The following IMPACT variants were observed in gnomAD, a reference collection of about 807,000 sequenced individuals.
The protein encoded by IMPACT is protein IMPACT.
In IMPACT, 35 loss-of-function variants were observed where a neutral mutation model predicts 47.5. The observed-to-expected ratio is 0.74, with a 90% CI of 0.56 to 0.98. The LOEUF is 0.98. Among genes scored for constraint, IMPACT ranks in the 50% least tolerant of loss-of-function variants. The pLI, the probability that IMPACT is intolerant of heterozygous loss-of-function variation, is 0.00. For synonymous variants in IMPACT, 118 were observed against 125.6 expected (o/e 0.94, Z 0.40); for missense variants, 373 against 394.8 (o/e 0.94, Z 0.47).
intron 9 of IMPACT, among the ~76,000 whole-genome samples, chr18:24,448,702 G>A (rs1485912693): frequency 6.6e-6 from 1 of 151,854 alleles, no homozygotes; most frequent in East Asian, 1.9e-4. Flanking sequence ...TCCTTTTTAA[G>A]AATATCCTGT....
At chr18:24,443,346 TC>T (rs1909165965) in intron 7 of IMPACT, among the ~76,000 whole-genome samples, 194 bp downstream of exon 7, 1 of 152,190 alleles carries the variant, frequency 6.6e-6, no homozygotes, top group Admixed American at 6.5e-5. Context: ...CTGCTTTCTT[TC>T]TTTTTTTTTG....
intron 10 of IMPACT, among the ~76,000 whole-genome samples, chr18:24,450,323 C>T (rs1265235853): frequency 2.0e-5 from 3 of 152,196 alleles, no homozygotes; most frequent in African/African-American, 7.2e-5. Context: ...CTTTAAACAT[C>T]TAGAAAATTC....
chr18:24,436,168 G>A (rs984983983), intron 4 of IMPACT, among the ~76,000 whole-genome samples: 1 of 152,108 alleles, frequency 6.6e-6, no homozygotes, highest in Non-Finnish European at 1.5e-5. Context: ...CTTTGTGTCT[G>A]TTTTCTCATC....
At chr18:24,432,459 A>G (rs1908781808) in intron 4 of IMPACT, among the ~76,000 whole-genome samples, 1 of 152,264 alleles carries the variant, frequency 6.6e-6, no homozygotes, top group East Asian at 1.9e-4. Flanking sequence ...TTTTCCTCCC[A>G]AAATACTTAA....
rs1909340812 is a variant in IMPACT at position 24,449,955 on chromosome 18, T to A, written c.894+2T>A. The A allele has an allele frequency of 6.2e-7, 1 of 1,613,640 alleles. No individual in the cohort carries two copies. Among genetic ancestry groups the A allele is most frequent in the African/African-American group, 1.3e-5 (1 of 74,908 alleles). ...GAAAAGAACTACACAAATTCACCTG[T>A]AAGTGGCTCTTCGTACTACATCTAG... On this transcript the variant is annotated splice_donor_variant, in intron 10 of 10. Transcript: ENST00000284202. LOFTEE classifies it high-confidence loss of function.
rs1908993079 is a variant in IMPACT at position 24,438,017 on chromosome 18, A to G, written c.344A>G (p.Gln115Arg). The G allele has an allele frequency of 1.3e-6, 2 of 1,562,816 alleles. No homozygotes were observed. Among genetic ancestry groups the G allele is most frequent in the Non-Finnish European group, 1.8e-6 (2 of 1,140,988 alleles). The change falls in exon 5 of 11, where the codon CAA becomes CGA. Residue 115 changes from glutamine (Q) to arginine (R), a missense_variant. Physicochemically the swap from Gln to Arg is conservative, Grantham distance 43. Coordinates refer to ENST00000284202, the MANE Select transcript of IMPACT (RefSeq NM_018439.4). ...WVEKIRDVLI[Q>R]KSQMTEPGPD... Reference sequence around the variant, plus strand: ...GAGAAAATAAGAGATGTTCTTATACAAAAATCTCAGATGACAGAACCAGGT... The same window carrying G: ...GAGAAAATAAGAGATGTTCTTATACGAAAATCTCAGATGACAGAACCAGGT...
intron 2 of IMPACT, 65 bp downstream of exon 2, chr18:24,428,112 GT>G: frequency 7.4e-7 from 1 of 1,342,494 alleles, no homozygotes; most frequent in Non-Finnish European, 1.0e-6. Flanking sequence ...GTTGACTTCT[GT>G]ATTCTAATGA....
intron 5 of IMPACT, 139 bp from the exon 6 acceptor site, chr18:24,440,357 C>A: frequency 1.3e-6 from 1 of 769,066 alleles, no homozygotes; most frequent in Non-Finnish European, 2.0e-6. Context: ...ACTCAGGAAT[C>A]AACCAGTTCT....
rs1400133968 is a variant in IMPACT, at chr18:24,452,592, G to A, written c.*1745G>A. 1 of 152,018 alleles carries A rather than the reference G, an allele frequency of 6.6e-6. No homozygotes were observed. Among genetic ancestry groups the A allele is most frequent in the African/African-American group, 2.4e-5 (1 of 41,396 alleles). 9.4% of individuals were successfully genotyped at this position (152,018 alleles called of 1,614,324 possible). Reference sequence around the variant, plus strand: ...TAGTATTCTTTACCTAAAGTCAATTGGCTGGTAAGAGGGAGAGATGCAAAA... The same window carrying A: ...TAGTATTCTTTACCTAAAGTCAATTAGCTGGTAAGAGGGAGAGATGCAAAA... On this transcript the variant is annotated 3_prime_UTR_variant, in exon 11 of 11. Transcript: ENST00000284202.
rs1302201996 is a variant in IMPACT at position 24,426,923 on chromosome 18, C to A, written c.36+131C>A. 8.4e-6 allele frequency: 5 copies of A among 598,464 alleles called. No homozygotes were observed. The Middle Eastern group carries it at 1.2e-3, about 138-fold the overall frequency. 37.1% of individuals were successfully genotyped at this position (598,464 alleles called of 1,614,324 possible). On this transcript the variant is annotated intron_variant, in intron 1 of 10. Coordinates refer to ENST00000284202, the MANE Select transcript of IMPACT (RefSeq NM_018439.4). ...CCGCCAGCACTGGCCACGCCATTTG[C>A]TCCACCGCGTTCCATTTTCCCGGCG...
At chr18:24,447,081 A>AT (rs1281176000) in intron 8 of IMPACT, among the ~76,000 whole-genome samples, 1 of 152,224 alleles carries the variant, frequency 6.6e-6, no homozygotes, top group Non-Finnish European at 1.5e-5. Context: ...ATGTAAAAAA[A>AT]GAAAAAAGTA....
At chr18:24,429,540 T>C (rs1217407257) in intron 3 of IMPACT, 1 of 152,158 alleles carries the variant, frequency 6.6e-6, no homozygotes, top group Non-Finnish European at 1.5e-5. Context: ...TTATAACCAG[T>C]AATTGATCAC....
chr18:24,449,765 T>C, intron 9 of IMPACT, 54 bp from the exon 10 acceptor site: 1 of 1,493,414 alleles, frequency 6.7e-7, no homozygotes, highest in Non-Finnish European at 9.3e-7. Context: ...TTTTTAAAAC[T>C]CATATTTATA....
chr18:24,431,848 C>T (rs1908765070), intron 4 of IMPACT, among the ~76,000 whole-genome samples: 1 of 151,966 alleles, frequency 6.6e-6, no homozygotes, highest in Non-Finnish European at 1.5e-5. Context: ...ACTACAGGCG[C>T]CCGCCACCAC....
chr18:24,429,093 A>G (rs1357678882), intron 3 of IMPACT, among the ~76,000 whole-genome samples, 172 bp downstream of exon 3: 2 of 152,244 alleles, frequency 1.3e-5, no homozygotes, highest in Non-Finnish European at 2.9e-5. Context: ...ATTCTATAAA[A>G]CAATAAAATA....
intron 4 of IMPACT, among the ~76,000 whole-genome samples, chr18:24,435,734 A>G (rs190752207): frequency 8.5e-5 from 13 of 152,308 alleles, no homozygotes; most frequent in Admixed American, 7.2e-4. Context: ...TATGTGGGGC[A>G]GTTAATCGGG....
Position 24,437,610 on chromosome 18 carries a change from C to G in IMPACT, c.282-345C>G, listed in dbSNP as rs564464123. Among the ~76,000 whole-genome samples the G allele has an allele frequency of 5.3e-5, 8 of 152,176 alleles. No homozygotes were observed. The South Asian group carries it at 1.0e-3, about 20-fold the overall frequency. The stretch of plus-strand genomic sequence containing the variant: ...AAAAAAGCAAGCAGTGATCAGACAT[C>G]GATACTGAAAGATTGTATCCACTTA... On this transcript the variant is annotated intron_variant, in intron 4 of 10. Transcript: ENST00000284202.
chr18:24,443,109 G>T lies in IMPACT; in HGVS notation c.551G>T (p.Ser184Ile). 6.2e-7 allele frequency: 1 copy of T among 1,608,274 alleles called. No homozygotes were observed. The highest frequency in any genetic ancestry group is 8.5e-7 in the Non-Finnish European group (1 of 1,176,204). ...DHGIPITDRR[S>I]TFQAHLAPVV... ...GGCATTCCTATTACAGACCGAAGAA[G>T]TACTTTTCAGGCACACTTGGCTCCA... The change falls in exon 7 of 11, where the codon AGT becomes ATT. Residue 184 changes from serine (S) to isoleucine (I), a missense_variant. Coordinates refer to ENST00000284202, the MANE Select transcript of IMPACT (RefSeq NM_018439.4).
chr18:24,434,782 T>A (rs1191495785), intron 4 of IMPACT, among the ~76,000 whole-genome samples: 1,226 of 107,716 alleles, frequency 0.011, 75 homozygotes, highest in African/African-American at 0.02. Flanking sequence ...AAAAAATATA[T>A]ATATATATAT....
Sources: gnomAD v4.1 joint callset for allele counts (sites outside exome capture counted in the v4.1 genomes callset) on GRCh38, gnomAD v4.1.1 for gene constraint, MANE v1.5 for transcripts, NCBI Gene and HGNC (gene_info 2026-07-23, HGNC 2026-07-21) for gene names.